SH3RF2: variants seen among roughly 807,000 people sequenced by gnomAD.
SH3RF2 encodes E3 ubiquitin-protein ligase SH3RF2.
SH3RF2 carries 43 observed loss-of-function variants against 59.0 expected under a neutral mutation model. The observed-to-expected ratio is 0.73, with a 90% CI of 0.57 to 0.94. The LOEUF (loss-of-function observed/expected upper bound fraction) is 0.94. Among genes scored for constraint, SH3RF2 ranks in the 40% least tolerant of loss-of-function variants. SH3RF2 has a pLI of 0.00. For missense variants in SH3RF2, 930 were observed against 940.1 expected, an observed-to-expected ratio of 0.99 and a Z score of 0.14; for synonymous variants, 391 against 391.5, an observed-to-expected ratio of 1.00 and a Z score of 0.01.
intron 5 of SH3RF2, among the ~76,000 whole-genome samples, chr5:146,024,701 A>G (rs1761464333): frequency 6.6e-6 from 1 of 152,152 alleles, no homozygotes; most frequent in Non-Finnish European, 1.5e-5. Flanking sequence ...TTTAGATTTT[A>G]TGATCCAGCT....
At chr5:145,979,492 T>A (rs1346964694) in intron 2 of SH3RF2, among the ~76,000 whole-genome samples, 13 of 152,218 alleles carry the variant, frequency 8.5e-5, no homozygotes, top group Non-Finnish European at 1.8e-4. Flanking sequence ...AGATAAGTTA[T>A]CTTACTGCTC....
At chr5:146,014,159 C>A in intron 5 of SH3RF2, 98 bp downstream of exon 5, 3 of 1,247,346 alleles carry the variant, frequency 2.4e-6, no homozygotes, top group Non-Finnish European at 3.4e-6. Context: ...TTGCTAAGCA[C>A]CCAGAATGCC....
At chr5:146,050,451 G>A (rs1762458008) in intron 7 of SH3RF2, among the ~76,000 whole-genome samples, 2 of 152,202 alleles carry the variant, frequency 1.3e-5, no homozygotes, top group South Asian at 4.1e-4. Flanking sequence ...TAGATCTAAA[G>A]TTGTATAAAA....
At chr5:145,953,189 T>C (rs1471202689) in intron 2 of SH3RF2, among the ~76,000 whole-genome samples, 1 of 151,926 alleles carries the variant, frequency 6.6e-6, no homozygotes, top group South Asian at 2.1e-4. Context: ...GTCTGCTATA[T>C]AAACTAAATA....
In SH3RF2 at chr5:146,003,327, C is replaced by T. The variant is rs150273995; in HGVS notation, c.649-731C>T. ...TTCTGGGTGCTGGGAGGATTCTATA[C>T]CTTCATCTGAACAGGGATTTCATGG... On this transcript the variant is annotated intron_variant, in intron 3 of 9. Coordinates refer to ENST00000359120, the MANE Select transcript of SH3RF2 (RefSeq NM_152550.4). 3.2e-3 allele frequency among the ~76,000 whole-genome samples: 490 copies of T among 152,272 alleles called. 1 individual carries two copies. The highest frequency in any genetic ancestry group is 5.0e-3 in the Non-Finnish European group (342 of 68,020).
At chr5:146,077,015 A>G (rs1763352596) in intron 9 of SH3RF2, among the ~76,000 whole-genome samples, 1 of 152,218 alleles carries the variant, frequency 6.6e-6, no homozygotes, top group Non-Finnish European at 1.5e-5. Flanking sequence ...AGATGAAAGA[A>G]AATTGGACAG....
exon 10 of SH3RF2, chr5:146,079,538 C>T (rs1454960624): frequency 6.6e-6 from 1 of 152,162 alleles, no homozygotes; most frequent in African/African-American, 2.4e-5. Flanking sequence ...AAGTTCAGAT[C>T]CTAATTTTAC....
Position 145,937,907 on chromosome 5 carries a change from G to A in SH3RF2, c.-22G>A. 1 of 1,597,714 alleles carries A rather than the reference G, an allele frequency of 6.3e-7. No individual in the cohort carries two copies. The highest frequency in any genetic ancestry group is 1.3e-5 in the African/African-American group (1 of 74,780). On this transcript the variant is annotated 5_prime_UTR_variant, in exon 2 of 10. Transcript: ENST00000359120. ...CATGTGGACGCTGCTCCTCCAGGTGGGAACTGGAGTTTTGAAATAAAATGG... is the reference window on the plus strand; with the variant it reads ...CATGTGGACGCTGCTCCTCCAGGTGAGAACTGGAGTTTTGAAATAAAATGG...
At chr5:146,050,234 G>C (rs1011476580) in intron 7 of SH3RF2, 2 of 152,272 alleles carry the variant, frequency 1.3e-5, no homozygotes, top group African/African-American at 4.8e-5. Context: ...TGTGTCAACA[G>C]GGCAGTAAAT....
chr5:146,060,295 AT>A, intron 9 of SH3RF2, 71 bp downstream of exon 9: 1 of 1,409,226 alleles, frequency 7.1e-7, no homozygotes, highest in Non-Finnish European at 9.5e-7. Flanking sequence ...CAGCTCAGAG[AT>A]TTTAGTGTTG....
rs534319610 is a variant in SH3RF2 at position 145,965,866 on chromosome 5, T to C, written c.378+27560T>C. 1.4e-4 allele frequency among the ~76,000 whole-genome samples: 22 copies of C among 152,350 alleles called. No individual in the cohort carries two copies. In the South Asian group the frequency reaches 4.6e-3, roughly 32 times the overall value. ...TAATAAGAAAAAATCCTGAAAGCTC[T>C]GACCTATTTGAGGAAAGAGACTTCA... On this transcript the variant is annotated intron_variant, in intron 2 of 9. Coordinates refer to ENST00000359120, the MANE Select transcript of SH3RF2 (RefSeq NM_152550.4).
intron 2 of SH3RF2, among the ~76,000 whole-genome samples, chr5:145,956,148 C>T (rs1758397087): frequency 6.6e-6 from 1 of 152,230 alleles, no homozygotes; most frequent in Admixed American, 6.5e-5. Context: ...GCCTTTGCTG[C>T]TGGTCCTCGA....
chr5:146,036,229 G>T (rs1029500505), intron 5 of SH3RF2, among the ~76,000 whole-genome samples: 2 of 152,136 alleles, frequency 1.3e-5, no homozygotes, highest in African/African-American at 4.8e-5. Context: ...AAAGCAGCAG[G>T]ACCCTTGGGC....
chr5:146,014,595 A>T lies in SH3RF2; in HGVS notation c.1059+534A>T, dbSNP rs113350681. Among the ~76,000 whole-genome samples the T allele has an allele frequency of 9.8e-5, 15 of 152,344 alleles. 3 individuals are homozygous for T. The highest frequency in any genetic ancestry group is 3.6e-4 in the African/African-American group (15 of 41,584). On this transcript the variant is annotated intron_variant, in intron 5 of 9. Transcript: ENST00000359120. ...AGTCCAAAATGAAAATACAAGTCCT[A>T]TGCTCAAAAATGATCAAGAATTTGA...
rs548763256 is a variant in SH3RF2 at position 146,049,217 on chromosome 5, CCAAA to C, written c.1298_1301del (p.Asn433IlefsTer58). 7.6e-5 allele frequency: 122 copies of C among 1,613,138 alleles called. No individual in the cohort carries two copies. The highest frequency in any genetic ancestry group is 1.0e-4 in the Non-Finnish European group (119 of 1,179,604). On this transcript the variant is annotated frameshift_variant, in exon 7 of 10. Coordinates refer to ENST00000359120, the MANE Select transcript of SH3RF2 (RefSeq NM_152550.4). LOFTEE classifies it high-confidence loss of function. ...GGTCACCGGGCGAGTCGGCATCTTC[CCAAA>C]CAATTACGTCATCCCCATTTTCAGG...
At chr5:145,964,711 T>C (rs1423228145) in intron 2 of SH3RF2, among the ~76,000 whole-genome samples, 1 of 152,162 alleles carries the variant, frequency 6.6e-6, no homozygotes, top group African/African-American at 2.4e-5. Context: ...GAGCAGGCTG[T>C]AGAGATTTGC....
At chr5:145,999,977 A>G in intron 2 of SH3RF2, 81 bp from the exon 3 acceptor site, 1 of 1,521,304 alleles carries the variant, frequency 6.6e-7, no homozygotes. Context: ...AGCAAAGTAC[A>G]ATAAAAGGGG....
intron 4 of SH3RF2, among the ~76,000 whole-genome samples, chr5:146,005,825 C>T (rs1434226797): frequency 6.9e-6 from 1 of 145,650 alleles, no homozygotes; most frequent in Non-Finnish European, 1.5e-5. Flanking sequence ...ACTTCACAGG[C>T]TAGCCTAACA....
chr5:146,046,303 C>T (rs1170031470), intron 5 of SH3RF2, among the ~76,000 whole-genome samples: 1 of 152,118 alleles, frequency 6.6e-6, no homozygotes, highest in Non-Finnish European at 1.5e-5. Flanking sequence ...CATTAAATTG[C>T]CATGGGCCTT....
Sources: gnomAD v4.1 joint callset for allele counts (sites outside exome capture counted in the v4.1 genomes callset) on GRCh38, gnomAD v4.1.1 for gene constraint, MANE v1.5 for transcripts, NCBI Gene and HGNC (gene_info 2026-07-23, HGNC 2026-07-21) for gene names.